LPIN1: variants seen among roughly 807,000 people sequenced by gnomAD.
LPIN1 encodes the protein lipin 1.
Under a neutral mutation model 107.5 loss-of-function variants are expected in LPIN1, and 71 were observed. That is an observed-to-expected ratio of 0.66 (90% CI 0.55 to 0.80). The LOEUF (loss-of-function observed/expected upper bound fraction) is 0.80, where lower values mean the gene tolerates loss of function less well. LPIN1 is among the 30% of genes least tolerant of loss of function. The pLI, the probability that LPIN1 is intolerant of heterozygous loss-of-function variation, is 0.00. For synonymous variants in LPIN1, 445 were observed against 452.6 expected, an observed-to-expected ratio of 0.98 and a Z score of 0.21; for missense variants, 1,043 against 1,160.6, an observed-to-expected ratio of 0.90 and a Z score of 1.47.
chr2:11,824,593 T>C, intron 20 of LPIN1, 39 bp from the exon 21 acceptor site: 1 of 1,611,954 alleles, frequency 6.2e-7, no homozygotes, highest in Non-Finnish European at 8.5e-7. Context: ...GCATAGCTGG[T>C]ATCGCTCAGT....
intron 1 of LPIN1, among the ~76,000 whole-genome samples, chr2:11,691,677 C>T (rs1176734734): frequency 6.6e-6 from 1 of 152,200 alleles, no homozygotes; most frequent in Non-Finnish European, 1.5e-5. Context: ...ATTCAAAATA[C>T]AAGTTCACTA....
At chr2:11,787,216 G>C in intron 11 of LPIN1, 49 bp downstream of exon 11, 1 of 1,256,438 alleles carries the variant, frequency 8.0e-7, no homozygotes, top group Non-Finnish European at 1.2e-6. Flanking sequence ...TACTGTTTCT[G>C]TTTCATGTTT....
In LPIN1 at chr2:11,815,144, C is replaced by G; in HGVS notation, c.2306C>G (p.Thr769Arg). 1 of 1,614,178 alleles carries G rather than the reference C, an allele frequency of 6.2e-7. No homozygotes were observed. Among genetic ancestry groups the G allele is most frequent in the Non-Finnish European group, 8.5e-7 (1 of 1,180,010 alleles). The change falls in exon 18 of 21, where the codon ACG becomes AGG. Residue 769 changes from threonine (T) to arginine (R), a missense_variant. Thr to Arg is a moderately conservative substitution (Grantham distance 71, BLOSUM62 -1). Coordinates refer to ENST00000674199, the MANE Select transcript of LPIN1 (RefSeq NM_001349206.2). ...CGTGCCATCGGGATGGCGGACATGA[C>G]GCGGGGCTACCTGCACTGGGTCAAC... ...SARAIGMADM[T>R]RGYLHWVNER...
At chr2:11,713,065 A>G (rs1663510895) in intron 1 of LPIN1, among the ~76,000 whole-genome samples, 1 of 152,244 alleles carries the variant, frequency 6.6e-6, no homozygotes, top group African/African-American at 2.4e-5. Flanking sequence ...AAGAAACAGC[A>G]GAGGCAGCAC....
At chr2:11,815,060 T>C in intron 17 of LPIN1, 28 bp from the exon 18 acceptor site, 1 of 1,610,052 alleles carries the variant, frequency 6.2e-7, no homozygotes. Context: ...TCTGATGCCA[T>C]GAAATGTGAA....
upstream of LPIN1, among the ~76,000 whole-genome samples, chr2:11,744,367 G>A (rs941574537): frequency 6.6e-6 from 1 of 152,224 alleles, no homozygotes; most frequent in Admixed American, 6.5e-5. Context: ...TGGAAAGTCC[G>A]GTTTCGTTTA....
intron 1 of LPIN1, among the ~76,000 whole-genome samples, chr2:11,739,816 T>C (rs1215283051): frequency 6.6e-6 from 1 of 152,188 alleles, no homozygotes; most frequent in Admixed American, 6.5e-5. Context: ...ACATTCATGA[T>C]AGAATTAGAT....
At chr2:11,745,220 G>C (rs1666776782), upstream of LPIN1, 1 of 152,278 alleles carries the variant, frequency 6.6e-6, no homozygotes, top group Non-Finnish European at 1.5e-5. Context: ...GTAAGCCTGT[G>C]GGTTTTGCCT....
chr2:11,691,122 C>T lies in LPIN1; in HGVS notation c.81+13394C>T, dbSNP rs558887946. 2.0e-3 allele frequency among the ~76,000 whole-genome samples: 294 copies of T among 145,630 alleles called. 1 individual carries two copies. The highest frequency in any genetic ancestry group is 7.3e-3 in the African/African-American group (279 of 38,312). Reference sequence around the variant, plus strand: ...TTTCTCTCTCCTTTAATACCCCTCACACCAACTCCTAGTCCTTTGTTCTCT... The same window carrying T: ...TTTCTCTCTCCTTTAATACCCCTCATACCAACTCCTAGTCCTTTGTTCTCT... On this transcript the variant is annotated intron_variant, in intron 1 of 21. Coordinates refer to the LPIN1 transcript ENST00000449576.
At chr2:11,687,608 C>T (rs1327055835) in intron 1 of LPIN1, among the ~76,000 whole-genome samples, 1 of 152,206 alleles carries the variant, frequency 6.6e-6, no homozygotes, top group Non-Finnish European at 1.5e-5. Flanking sequence ...CTGAACAGTT[C>T]AGAGAATCTG....
intron 1 of LPIN1, among the ~76,000 whole-genome samples, chr2:11,738,790 G>A (rs1220525473): frequency 6.6e-6 from 1 of 152,168 alleles, no homozygotes; most frequent in East Asian, 1.9e-4. Context: ...AGAAGAAGGA[G>A]CCACAGAGAA....
At chr2:11,810,260 A>G (rs1679422444) in intron 17 of LPIN1, among the ~76,000 whole-genome samples, 1 of 152,172 alleles carries the variant, frequency 6.6e-6, no homozygotes, top group African/African-American at 2.4e-5. Context: ...TACATCAGGA[A>G]GTTAATTTTG....
At chr2:11,725,124 G>A (rs1339785937) in intron 1 of LPIN1, among the ~76,000 whole-genome samples, 2 of 152,176 alleles carry the variant, frequency 1.3e-5, no homozygotes, top group Non-Finnish European at 2.9e-5. Context: ...AGCCGGGCGT[G>A]TTGGCGGGCG....
At chr2:11,745,301 C>G (rs1666786111), upstream of LPIN1, 1 of 152,348 alleles carries the variant, frequency 6.6e-6, no homozygotes, top group Non-Finnish European at 1.5e-5. Flanking sequence ...TCATGTCCCC[C>G]GGTTTCCTGC....
intron 1 of LPIN1, among the ~76,000 whole-genome samples, chr2:11,730,928 G>A (rs568778646): frequency 1.7e-4 from 26 of 152,158 alleles, no homozygotes; most frequent in Non-Finnish European, 3.4e-4. Flanking sequence ...TCAGCTCGAC[G>A]ATGTGAGGTG....
rs74396719 is a variant in LPIN1 at position 11,704,984 on chromosome 2, T to A, written c.82-8772T>A. ...CCAGGAACAGAGGAGAACTTCCACA[T>A]GTTACTTGTGGGAACTTCCACTGGT... On this transcript the variant is annotated intron_variant, in intron 1 of 21. Transcript: ENST00000449576. Among the ~76,000 whole-genome samples the A allele has an allele frequency of 2.5e-3, 379 of 152,322 alleles. 3 individuals carry two copies. In the East Asian group the frequency reaches 0.033, roughly 13 times the overall value.
chr2:11,738,665 C>T (rs1666034963), intron 1 of LPIN1, among the ~76,000 whole-genome samples: 1 of 152,196 alleles, frequency 6.6e-6, no homozygotes, highest in Admixed American at 6.5e-5. Flanking sequence ...GTGTCCACCT[C>T]AGCAGTGCCA....
chr2:11,782,882 C>A (rs927286286), intron 8 of LPIN1, among the ~76,000 whole-genome samples: 1 of 152,164 alleles, frequency 6.6e-6, no homozygotes, highest in African/African-American at 2.4e-5. Context: ...AGCCCCTTAC[C>A]CACTGTAATT....
Position 11,824,529 on chromosome 2 carries a change from G to A in LPIN1, c.2622-103G>A, listed in dbSNP as rs1334634673. ...ACTTGAGTCGTGTCGATAAGTAGGC[G>A]GTCTGCTCCTTGAGGTTGTAGATCT... On this transcript the variant is annotated intron_variant, in intron 20 of 20. Transcript: ENST00000674199. 1.8e-5 allele frequency: 20 copies of A among 1,084,390 alleles called. No homozygotes were observed. In the Admixed American group the frequency reaches 2.4e-4, roughly 13 times the overall value. The allele number at this position is 1,084,390 out of a possible 1,614,324, so 67.2% of individuals were successfully genotyped here.
Sources: gnomAD v4.1 joint callset for allele counts (sites outside exome capture counted in the v4.1 genomes callset) on GRCh38, gnomAD v4.1.1 for gene constraint, MANE v1.5 for transcripts, NCBI Gene and HGNC (gene_info 2026-07-23, HGNC 2026-07-21) for gene names.